Variants in NLGN4X observed in about 807,000 individuals in gnomAD.
The protein encoded by NLGN4X is neuroligin 4 X-linked.
A neutral mutation model predicts 40.3 loss-of-function variants in NLGN4X; 3 were observed. The ratio of observed to expected loss-of-function variants is 0.07; its 90% CI spans 0.03 to 0.19. The LOEUF (loss-of-function observed/expected upper bound fraction) is 0.19, where lower values mean the gene tolerates loss of function less well. NLGN4X is among the 10% of genes least tolerant of loss of function. NLGN4X has a pLI of 1.00. For synonymous variants in NLGN4X, 270 were observed against 306.8 expected, an observed-to-expected ratio of 0.88 and a Z score of 1.25; for missense variants, 382 against 708.3, an observed-to-expected ratio of 0.54 and a Z score of 5.23.
chrX:6,104,297 T>C (rs1246315061), intron 2 of NLGN4X, among the ~76,000 whole-genome samples: 1 of 112,080 alleles, frequency 8.9e-6, no homozygotes, highest in Non-Finnish European at 1.9e-5. Context: ...CAGAAGGACA[T>C]ACTGCATAAG....
rs1360560643 is a variant in NLGN4X, at chrX:5,973,694, G to A, written c.625+55586C>T. 6.3e-5 allele frequency among the ~76,000 whole-genome samples: 7 copies of A among 110,777 alleles called. No individual in the cohort carries two copies. In the East Asian group the frequency reaches 2.0e-3, roughly 32 times the overall value. On this transcript the variant is annotated intron_variant, in intron 3 of 5. Transcript: ENST00000381095. Reference sequence around the variant, plus strand: ...AAAAATTAGCCGGGTGTGGTGGCGGGCACCTGTAGTCCCAGCTACTCGGGA... The same window carrying A: ...AAAAATTAGCCGGGTGTGGTGGCGGACACCTGTAGTCCCAGCTACTCGGGA...
chrX:6,090,719 T>C (rs1228625307), intron 2 of NLGN4X, among the ~76,000 whole-genome samples: 1 of 111,449 alleles, frequency 9.0e-6, no homozygotes, highest in African/African-American at 3.3e-5. Flanking sequence ...TATTTTTGAG[T>C]GGTGGTTCAC....
intron 4 of NLGN4X, among the ~76,000 whole-genome samples, chrX:5,908,418 C>G (rs1056900300): frequency 9.0e-6 from 1 of 111,470 alleles, no homozygotes; most frequent in Non-Finnish European, 1.9e-5. Flanking sequence ...AAAATCTATA[C>G]ACCCGCATCC....
At chrX:6,092,540 A>G (rs778012901) in intron 2 of NLGN4X, among the ~76,000 whole-genome samples, 16 of 112,517 alleles carry the variant, frequency 1.4e-4, no homozygotes, top group Non-Finnish European at 2.2e-4. Flanking sequence ...CCACAGATTA[A>G]GATCAAACAA....
chrX:6,042,468 A>G (rs1294510765), intron 2 of NLGN4X, among the ~76,000 whole-genome samples: 2 of 106,663 alleles, frequency 1.9e-5, no homozygotes, highest in Non-Finnish European at 3.9e-5. Flanking sequence ...TTTTTTTTAG[A>G]ATTTTCAGCT....
chrX:5,899,019 G>A (rs1431459157), intron 5 of NLGN4X, among the ~76,000 whole-genome samples: 1 of 112,081 alleles, frequency 8.9e-6, no homozygotes, highest in African/African-American at 3.2e-5. Context: ...TCACCAGACT[G>A]TGCCCGACAG....
At chrX:5,985,330 G>A (rs1395624482) in intron 3 of NLGN4X, among the ~76,000 whole-genome samples, 1 of 111,639 alleles carries the variant, frequency 9.0e-6, no homozygotes, top group Non-Finnish European at 1.9e-5. Context: ...TGCCATCATA[G>A]GTCACTGCAG....
At chrX:6,029,247 T>C in intron 3 of NLGN4X, 33 bp downstream of exon 3, 1 of 1,204,029 alleles carries the variant, frequency 8.3e-7, no homozygotes, top group Non-Finnish European at 1.1e-6. Flanking sequence ...ATGTTTCCTC[T>C]TGCTCAGTCA....
At chrX:6,213,985 A>G (rs113436465) in intron 1 of NLGN4X, among the ~76,000 whole-genome samples, 4 of 112,118 alleles carry the variant, frequency 3.6e-5, no homozygotes, top group African/African-American at 1.3e-4. Context: ...GCATTCTCAA[A>G]TCCTTAGATG....
chrX:6,084,499 ATC>A (rs761018062), intron 2 of NLGN4X, among the ~76,000 whole-genome samples: 4 of 111,366 alleles, frequency 3.6e-5, no homozygotes, highest in Non-Finnish European at 7.5e-5. Context: ...GAACAAATGA[ATC>A]TGTTAGTATA....
intron 2 of NLGN4X, among the ~76,000 whole-genome samples, chrX:6,114,561 A>T (rs867380972): frequency 5.0e-5 from 5 of 99,192 alleles, no homozygotes; most frequent in African/African-American, 1.9e-4. Context: ...CACACACACA[A>T]ACATGCACAC....
At chrX:6,094,127 C>T (rs897275604) in intron 2 of NLGN4X, among the ~76,000 whole-genome samples, 5 of 111,110 alleles carry the variant, frequency 4.5e-5, no homozygotes, top group African/African-American at 1.3e-4. Context: ...TCACTTAACA[C>T]TTAATAGACA....
rs757109780 is a variant in NLGN4X, at chrX:6,195,588, T to A, written c.-306+32953A>T. ...GCTCAATTAATATTAGCTCTTGAAA[T>A]TGTATTATTAAGACTTTGAAATTGC... On this transcript the variant is annotated intron_variant, in intron 1 of 5. Coordinates refer to ENST00000381095, the MANE Select transcript of NLGN4X (RefSeq NM_181332.3). 5.3e-5 allele frequency among the ~76,000 whole-genome samples: 6 copies of A among 112,311 alleles called. No individual in the cohort carries two copies. The South Asian group carries it at 2.2e-3, about 42-fold the overall frequency.
At chrX:5,893,808 G>A (rs934294591) in intron 5 of NLGN4X, 142 bp from the exon 6 acceptor site, 22 of 682,934 alleles carry the variant, frequency 3.2e-5, no homozygotes, top group Middle Eastern at 3.8e-4. Flanking sequence ...AGCAGCAAAG[G>A]TACATTCTGC....
At chrX:6,095,102 CGTGTGTGTGTGT>C (rs56285921) in intron 2 of NLGN4X, among the ~76,000 whole-genome samples, 22,118 of 88,049 alleles carry the variant, frequency 0.25, 2,234 homozygotes, top group Non-Finnish European at 0.32. Context: ...TACGTGCGTG[CGTGTGTGTGTGT>C]GTGTGTGTGT....
chrX:6,149,054 A>G (rs2040111512), intron 2 of NLGN4X, among the ~76,000 whole-genome samples: 1 of 112,202 alleles, frequency 8.9e-6, no homozygotes, highest in Non-Finnish European at 1.9e-5. Context: ...AAAAAGCCTA[A>G]AGATCTAAAC....
chrX:6,034,222 T>A (rs1173368600), intron 2 of NLGN4X, among the ~76,000 whole-genome samples: 2 of 112,523 alleles, frequency 1.8e-5, no homozygotes, highest in Non-Finnish European at 3.8e-5. Context: ...GCATTTCATA[T>A]AAATGAACTC....
intron 1 of NLGN4X, among the ~76,000 whole-genome samples, chrX:6,208,212 C>G (rs1250220618): frequency 1.8e-5 from 2 of 112,282 alleles, no homozygotes; most frequent in East Asian, 5.5e-4. Flanking sequence ...TGTTCAAATA[C>G]TCTCTTCCCA....
chrX:6,058,279 A>G (rs760206173), intron 2 of NLGN4X, among the ~76,000 whole-genome samples: 6 of 111,726 alleles, frequency 5.4e-5, no homozygotes, highest in African/African-American at 1.9e-4. Flanking sequence ...GCAAATTTTT[A>G]ACAGTAACCA....
Sources: gnomAD v4.1 joint callset for allele counts (sites outside exome capture counted in the v4.1 genomes callset) on GRCh38, gnomAD v4.1.1 for gene constraint, MANE v1.5 for transcripts, NCBI Gene and HGNC (gene_info 2026-07-23, HGNC 2026-07-21) for gene names.